Variants in LRMDA observed in about 807,000 individuals in gnomAD.
LRMDA encodes leucine-rich melanocyte differentiation-associated protein.
LRMDA carries 18 observed loss-of-function variants against 29.8 expected under a neutral mutation model. That is an observed-to-expected ratio of 0.60 (90% CI 0.42 to 0.90). The LOEUF (loss-of-function observed/expected upper bound fraction) is 0.90, where lower values mean the gene tolerates loss of function less well. LRMDA is among the 40% of genes least tolerant of loss of function. The probability of loss-of-function intolerance (pLI) is 0.00; values close to 1 mark genes in which losing one functional copy is unlikely to be tolerated. For synonymous variants in LRMDA, 125 were observed against 109.4 expected, an observed-to-expected ratio of 1.14 and a Z score of -0.89; for missense variants, 273 against 273.9, an observed-to-expected ratio of 1.00 and a Z score of 0.02.
intron 5 of LRMDA, among the ~76,000 whole-genome samples, chr10:76,317,027 T>C (rs1021822554): frequency 6.6e-6 from 1 of 152,114 alleles, no homozygotes; most frequent in Non-Finnish European, 1.5e-5. Flanking sequence ...AGGTGCCCAG[T>C]GGACAGTGAA....
chr10:75,785,081 T>C (rs1308073659), intron 2 of LRMDA, among the ~76,000 whole-genome samples: 1 of 152,188 alleles, frequency 6.6e-6, no homozygotes, highest in East Asian at 1.9e-4. Context: ...GTAACATGCA[T>C]GTGGCATGCA....
chr10:76,181,320 G>T (rs1564677141), intron 5 of LRMDA, among the ~76,000 whole-genome samples: 1 of 152,200 alleles, frequency 6.6e-6, no homozygotes, highest in Non-Finnish European at 1.5e-5. Context: ...TGCTTTGTTT[G>T]TGCTTTTCCC....
chr10:75,494,478 C>T lies in LRMDA; in HGVS notation c.131+55984C>T, dbSNP rs144727068. On this transcript the variant is annotated intron_variant, in intron 2 of 6. Coordinates refer to ENST00000611255, the MANE Select transcript of LRMDA (RefSeq NM_001305581.2). Reference sequence around the variant, plus strand: ...TTCAATTGCATAGGATAGATAACTCCAGTTACCAGCCGCTAAAACAAGGTT... The same window carrying T: ...TTCAATTGCATAGGATAGATAACTCTAGTTACCAGCCGCTAAAACAAGGTT... Among the ~76,000 whole-genome samples, 84 of 148,850 alleles carry T rather than the reference C, an allele frequency of 5.6e-4. No individual in the cohort carries two copies. The East Asian group carries it at 0.011, about 20-fold the overall frequency.
intron 6 of LRMDA, among the ~76,000 whole-genome samples, chr10:76,466,738 G>A (rs546356027): frequency 1.3e-5 from 2 of 152,272 alleles, no homozygotes; most frequent in African/African-American, 4.8e-5. Flanking sequence ...ACTGCAGTGA[G>A]CTATGATCAC....
At chr10:76,539,551 A>G (rs774499200) in intron 6 of LRMDA, among the ~76,000 whole-genome samples, 3 of 152,100 alleles carry the variant, frequency 2.0e-5, no homozygotes, top group Non-Finnish European at 4.4e-5. Flanking sequence ...TTTGAAATCA[A>G]GCAGGCACCC....
At chr10:76,154,847 T>C (rs529902946) in intron 5 of LRMDA, among the ~76,000 whole-genome samples, 5 of 152,338 alleles carry the variant, frequency 3.3e-5, no homozygotes, top group African/African-American at 1.2e-4. Flanking sequence ...CTCATTCATG[T>C]ACCATGTTTA....
At position 75,507,974 on chromosome 10, in the gene LRMDA, T is replaced by C. The variant is rs542158895; in HGVS notation, c.131+69480T>C. On this transcript the variant is annotated intron_variant, in intron 2 of 6. Coordinates refer to ENST00000611255, the MANE Select transcript of LRMDA (RefSeq NM_001305581.2). Reference sequence around the variant, plus strand: ...ATTGATGTGCTAGTATAGTTTTAATTGTGTTGAGATTTCCTTGCCAAAGTG... The same window carrying C: ...ATTGATGTGCTAGTATAGTTTTAATCGTGTTGAGATTTCCTTGCCAAAGTG... 1.4e-4 allele frequency among the ~76,000 whole-genome samples: 22 copies of C among 152,312 alleles called. 2 individuals carry two copies. Among genetic ancestry groups the C allele is most frequent in the African/African-American group, 4.8e-4 (20 of 41,586 alleles).
At chr10:76,006,482 T>C (rs1348979092) in intron 2 of LRMDA, among the ~76,000 whole-genome samples, 1 of 152,042 alleles carries the variant, frequency 6.6e-6, no homozygotes, top group Non-Finnish European at 1.5e-5. Flanking sequence ...CTGTTGTTTC[T>C]CCAAGAGGAG....
chr10:76,281,525 C>A (rs1322801691), intron 5 of LRMDA, among the ~76,000 whole-genome samples: 1 of 152,102 alleles, frequency 6.6e-6, no homozygotes, highest in Non-Finnish European at 1.5e-5. Flanking sequence ...GATGTGTTCC[C>A]CAAATCCACA....
chr10:76,095,891 G>C (rs1849304568), intron 5 of LRMDA, among the ~76,000 whole-genome samples: 1 of 151,502 alleles, frequency 6.6e-6, no homozygotes, highest in Non-Finnish European at 1.5e-5. Context: ...CTTGCAGTGA[G>C]CCGAGATCGT....
chr10:76,459,507 A>G (rs1842490956), intron 6 of LRMDA, among the ~76,000 whole-genome samples: 1 of 152,100 alleles, frequency 6.6e-6, no homozygotes, highest in Non-Finnish European at 1.5e-5. Context: ...AAAATACAAA[A>G]CCTAATTAGT....
At chr10:75,732,010 C>T (rs1429803960) in intron 2 of LRMDA, among the ~76,000 whole-genome samples, 1 of 152,076 alleles carries the variant, frequency 6.6e-6, no homozygotes. Context: ...TTTATAGTGA[C>T]TAAGTATTTG....
chr10:76,441,120 C>T (rs138760968), intron 6 of LRMDA, among the ~76,000 whole-genome samples: 28 of 152,164 alleles, frequency 1.8e-4, no homozygotes, highest in African/African-American at 5.8e-4. Flanking sequence ...GAACACACAC[C>T]AGATGGTGCA....
chr10:76,386,927 C>G (rs573278922), intron 6 of LRMDA, among the ~76,000 whole-genome samples: 1 of 151,970 alleles, frequency 6.6e-6, no homozygotes, highest in East Asian at 1.9e-4. Context: ...ACTAGAAATG[C>G]AAGTAAACAT....
chr10:75,650,773 C>G (rs1841588833), intron 2 of LRMDA, among the ~76,000 whole-genome samples: 1 of 152,146 alleles, frequency 6.6e-6, no homozygotes, highest in Non-Finnish European at 1.5e-5. Context: ...GTGAGGGCCA[C>G]CATCTTCCTG....
chr10:75,574,193 T>G (rs1437645130), intron 2 of LRMDA, among the ~76,000 whole-genome samples: 1 of 152,188 alleles, frequency 6.6e-6, no homozygotes. Flanking sequence ...AGGGCTTATA[T>G]CCAGGTCTGA....
chr10:76,463,955 G>A (rs1842538582), intron 6 of LRMDA, among the ~76,000 whole-genome samples: 1 of 121,658 alleles, frequency 8.2e-6, no homozygotes, highest in South Asian at 2.5e-4. Context: ...GTCTTTCTGT[G>A]TCACCCAGGC....
chr10:76,207,614 A>G (rs1210878136), intron 5 of LRMDA, among the ~76,000 whole-genome samples: 1 of 151,942 alleles, frequency 6.6e-6, no homozygotes, highest in Non-Finnish European at 1.5e-5. Context: ...ATCCACCCCT[A>G]CCTATCCAAT....
intron 6 of LRMDA, among the ~76,000 whole-genome samples, chr10:76,341,956 C>A (rs572697986): frequency 6.6e-6 from 1 of 152,148 alleles, no homozygotes; most frequent in African/African-American, 2.4e-5. Context: ...TCCTGCTGCT[C>A]ATGTTCAAGG....
Sources: gnomAD v4.1 joint callset for allele counts (sites outside exome capture counted in the v4.1 genomes callset) on GRCh38, gnomAD v4.1.1 for gene constraint, MANE v1.5 for transcripts, NCBI Gene and HGNC (gene_info 2026-07-23, HGNC 2026-07-21) for gene names.